Variants in RALY observed in about 807,000 individuals in gnomAD.
RALY encodes the protein RNA-binding protein Raly.
In RALY, 15 loss-of-function variants were observed where a neutral mutation model predicts 30.7. The ratio of observed to expected loss-of-function variants is 0.49; its 90% confidence interval spans 0.33 to 0.75. The LOEUF is 0.75. Ranked by LOEUF, RALY falls within the 30% of genes least tolerant of loss-of-function variation. The pLI is 0.02. For synonymous variants in RALY, 177 were observed against 170.8 expected (o/e 1.04, Z -0.28); for missense variants, 339 against 414.3 (o/e 0.82, Z 1.58).
intron 1 of RALY, among the ~76,000 whole-genome samples, chr20:34,007,348 C>T (rs772002146): frequency 5.9e-5 from 9 of 152,030 alleles, no homozygotes; most frequent in East Asian, 3.9e-4. Flanking sequence ...GGTGAAAGTC[C>T]GTCTCTACTA....
At chr20:34,026,397 T>C (rs1489595588) in intron 1 of RALY, among the ~76,000 whole-genome samples, 1 of 150,314 alleles carries the variant, frequency 6.7e-6, no homozygotes, top group Non-Finnish European at 1.5e-5. Context: ...TTTATTTATT[T>C]ATTTATTTAT....
chr20:34,076,119 G>A, intron 6 of RALY, 79 bp downstream of exon 6: 1 of 1,487,756 alleles, frequency 6.7e-7, no homozygotes, highest in Non-Finnish European at 9.2e-7. Flanking sequence ...TTTTACATTG[G>A]AACATAGATA....
rs1450464299 is a variant in RALY, at chr20:34,083,406, CAAGAG to C, written c.*3506_*3510del. On this transcript the variant is annotated 3_prime_UTR_variant, in exon 10 of 10. Coordinates refer to ENST00000246194, the MANE Select transcript of RALY (RefSeq NM_016732.3). ...CATCATGGCTGAGTTCCAAAAACCG[CAAGAG>C]AAGACAAGCCCAGTATGCGAGTGCT... is the stretch of plus-strand genomic sequence containing the variant. 1 of 152,176 alleles carries C rather than the reference CAAGAG, an allele frequency of 6.6e-6. No individual in the cohort carries two copies. The highest frequency in any genetic ancestry group is 1.5e-5 in the Non-Finnish European group (1 of 68,040). 9.4% of individuals were successfully genotyped at this position (152,176 alleles called of 1,614,324 possible).
chr20:34,017,163 C>T (rs998507912), intron 1 of RALY, among the ~76,000 whole-genome samples: 3 of 152,162 alleles, frequency 2.0e-5, no homozygotes, highest in Non-Finnish European at 2.9e-5. Context: ...TCGTATAGGC[C>T]CCCTCTTCAG....
At chr20:34,026,822 C>G (rs1476967951) in intron 1 of RALY, among the ~76,000 whole-genome samples, 1 of 152,110 alleles carries the variant, frequency 6.6e-6, no homozygotes, top group Non-Finnish European at 1.5e-5. Flanking sequence ...ACACCTTAAG[C>G]CAACAGATTA....
At chr20:34,073,416 T>A (rs1187005426) in intron 3 of RALY, 147 bp from the exon 4 acceptor site, 19 of 692,504 alleles carry the variant, frequency 2.7e-5, no homozygotes, top group Non-Finnish European at 4.6e-5. Context: ...AGATTAGATG[T>A]ATGAAGACCT....
At chr20:34,034,894 TG>T (rs2032421808) in intron 2 of RALY, among the ~76,000 whole-genome samples, 1 of 152,144 alleles carries the variant, frequency 6.6e-6, no homozygotes, top group South Asian at 2.1e-4. Context: ...GGCTCACGCC[TG>T]TAATCCCAGC....
intron 8 of RALY, 76 bp downstream of exon 8, chr20:34,077,321 GC>G: frequency 6.3e-7 from 1 of 1,585,472 alleles, no homozygotes; most frequent in Non-Finnish European, 8.6e-7. Context: ...GGAATGGGCA[GC>G]CTGAGCTGGT....
chr20:34,059,909 A>G (rs1376944545), intron 2 of RALY, among the ~76,000 whole-genome samples: 2 of 152,192 alleles, frequency 1.3e-5, no homozygotes, highest in African/African-American at 4.8e-5. Flanking sequence ...TCAAAGCACA[A>G]GGAGGCCTTG....
In RALY at chr20:34,034,852, A is replaced by T. The variant is rs142607588; in HGVS notation, c.-10+3248A>T. On this transcript the variant is annotated intron_variant, in intron 2 of 9. Coordinates refer to ENST00000246194, the MANE Select transcript of RALY (RefSeq NM_016732.3). ...ACTGAAAGGGGAGGGGTGAAAGAAG[A>T]AGTTAAAACAACAGTCTGGGCCGGG... Among the ~76,000 whole-genome samples, 127 of 152,270 alleles carry T rather than the reference A, an allele frequency of 8.3e-4. 4 individuals are homozygous for T. The East Asian group carries it at 0.023, about 27-fold the overall frequency.
chr20:34,070,074 AAG>A (rs1195646192), intron 2 of RALY, among the ~76,000 whole-genome samples: 1 of 152,122 alleles, frequency 6.6e-6, no homozygotes, highest in African/African-American at 2.4e-5. Flanking sequence ...TTAAGAGAAA[AAG>A]AGTCTCTTAT....
chr20:34,034,549 AGT>A (rs2032406647), intron 2 of RALY, among the ~76,000 whole-genome samples: 1 of 152,212 alleles, frequency 6.6e-6, no homozygotes, highest in Non-Finnish European at 1.5e-5. Flanking sequence ...CACGTAAATA[AGT>A]GTGTAATATA....
rs758731134 is a variant in RALY, at chr20:34,076,002, G to C, written c.506G>C (p.Arg169Pro). 1.9e-6 allele frequency: 3 copies of C among 1,614,068 alleles called. No individual in the cohort carries two copies. In the African/African-American group the frequency reaches 4.0e-5, roughly 22 times the overall value. Residue 169 changes from arginine (R) to proline (P), a missense_variant, in exon 6 of 10, where the codon CGC becomes CCC. This residue lies in a region of RALY where 268 missense variants were observed against 280.6 expected (regional missense o/e 0.95). Transcript: ENST00000246194. ...KTNVPVKLFA[R>P]STAVTTSSAK... Reference sequence around the variant, plus strand: ...AACGTACCTGTCAAGCTCTTTGCCCGCTCCACAGCTGTCACCACCAGCTCA... The same window carrying C: ...AACGTACCTGTCAAGCTCTTTGCCCCCTCCACAGCTGTCACCACCAGCTCA...
intron 2 of RALY, among the ~76,000 whole-genome samples, chr20:34,057,076 G>T (rs2033266972): frequency 6.6e-6 from 1 of 152,204 alleles, no homozygotes; most frequent in African/African-American, 2.4e-5. Flanking sequence ...TAAAGCAGTA[G>T]TGTAAAAAAT....
At chr20:34,034,564 C>A (rs2123109743) in intron 2 of RALY, among the ~76,000 whole-genome samples, 1 of 152,276 alleles carries the variant, frequency 6.6e-6, no homozygotes, top group South Asian at 2.1e-4. Flanking sequence ...GTAATATATA[C>A]ATTTATATAT....
chr20:34,061,195 A>G (rs963772484), intron 2 of RALY, among the ~76,000 whole-genome samples: 4 of 152,156 alleles, frequency 2.6e-5, no homozygotes, highest in Admixed American at 6.5e-5. Flanking sequence ...CCAGCCCCCC[A>G]TTAAGCCTAG....
At chr20:34,028,082 A>G (rs932948210) in intron 1 of RALY, among the ~76,000 whole-genome samples, 1 of 152,154 alleles carries the variant, frequency 6.6e-6, no homozygotes. Flanking sequence ...ACTTGAGGTC[A>G]GGAGACTAGC....
At chr20:34,024,745 T>C (rs1048651269) in intron 1 of RALY, among the ~76,000 whole-genome samples, 1 of 152,146 alleles carries the variant, frequency 6.6e-6, no homozygotes, top group African/African-American at 2.4e-5. Flanking sequence ...CCTGGCTGCA[T>C]TTTTTATTAT....
rs2032914156 is a variant in RALY at position 34,047,277 on chromosome 20, G to A, written c.-10+15673G>A. 2.0e-5 allele frequency among the ~76,000 whole-genome samples: 3 copies of A among 152,318 alleles called. No individual in the cohort carries two copies. The South Asian group carries it at 6.2e-4, about 32-fold the overall frequency. Reference sequence around the variant, plus strand: ...GGCTGGCCCTGTGTGACTTAGAGCGGACAGTATGGGAGGTGGAGAACTGGG... The same window carrying A: ...GGCTGGCCCTGTGTGACTTAGAGCGAACAGTATGGGAGGTGGAGAACTGGG... On this transcript the variant is annotated intron_variant, in intron 2 of 9. Coordinates refer to ENST00000246194, the MANE Select transcript of RALY (RefSeq NM_016732.3).
Sources: gnomAD v4.1 joint callset for allele counts (sites outside exome capture counted in the v4.1 genomes callset) on GRCh38, gnomAD v4.1.1 for gene constraint, gnomAD v4.1.1 regional missense constraint, MANE v1.5 for transcripts, NCBI Gene and HGNC (gene_info 2026-07-23, HGNC 2026-07-21) for gene names.